MSRB3: variants seen among roughly 807,000 people sequenced by gnomAD.
MSRB3 encodes the protein methionine sulfoxide reductase B3.
Under a neutral mutation model 21.0 loss-of-function variants are expected in MSRB3, and 13 were observed. The observed-to-expected ratio is 0.62, with a 90% CI of 0.40 to 0.98. MSRB3 has a LOEUF of 0.98. MSRB3 is among the 50% of genes least tolerant of loss of function. MSRB3 has a pLI of 0.00. For missense variants in MSRB3, 199 were observed against 230.3 expected, an observed-to-expected ratio of 0.86 and a Z score of 0.88; for synonymous variants, 87 against 88.6, an observed-to-expected ratio of 0.98 and a Z score of 0.10.
chr12:65,416,006 G>A (rs1880953805), intron 5 of MSRB3, among the ~76,000 whole-genome samples: 1 of 152,150 alleles, frequency 6.6e-6, no homozygotes, highest in African/African-American at 2.4e-5. Context: ...TGTGTGCTTG[G>A]GTAAGGTGGG....
intron 4 of MSRB3, among the ~76,000 whole-genome samples, chr12:65,334,420 A>G (rs577922924): frequency 2.8e-4 from 43 of 152,356 alleles, no homozygotes; most frequent in African/African-American, 9.6e-4. Context: ...AAACATTTAA[A>G]AAAGAAGAAA....
intron 4 of MSRB3, among the ~76,000 whole-genome samples, chr12:65,349,262 T>C (rs1198024205): frequency 1.3e-5 from 2 of 152,122 alleles, no homozygotes; most frequent in Admixed American, 6.6e-5. Flanking sequence ...GGCTGCATAG[T>C]ATTCCATGGT....
chr12:65,313,989 A>G (rs1250964523), intron 2 of MSRB3, among the ~76,000 whole-genome samples: 1 of 152,216 alleles, frequency 6.6e-6, no homozygotes, highest in African/African-American at 2.4e-5. Context: ...AAACAAAAGT[A>G]TATAAGGAAT....
At chr12:65,419,492 A>T (rs1341452569) in intron 5 of MSRB3, 2 of 741,106 alleles carry the variant, frequency 2.7e-6, no homozygotes, top group African/African-American at 1.7e-5. Flanking sequence ...CTCTCCACAG[A>T]CTGGCGCATG....
At chr12:65,353,659 T>C (rs1877189315) in intron 4 of MSRB3, among the ~76,000 whole-genome samples, 1 of 152,174 alleles carries the variant, frequency 6.6e-6, no homozygotes, top group African/African-American at 2.4e-5. Flanking sequence ...AGCACCCTGA[T>C]GGGTCTTGAC....
intron 4 of MSRB3, among the ~76,000 whole-genome samples, chr12:65,354,240 T>C (rs1877238528): frequency 1.3e-5 from 2 of 151,964 alleles, no homozygotes; most frequent in African/African-American, 4.8e-5. Context: ...CTTTGTGGCA[T>C]TCTCTGTATT....
chr12:65,443,501 C>T (rs1882477547), intron 5 of MSRB3, among the ~76,000 whole-genome samples: 1 of 151,914 alleles, frequency 6.6e-6, no homozygotes, highest in Non-Finnish European at 1.5e-5. Flanking sequence ...TCCACTTGAC[C>T]CAGTGATAGC....
intron 5 of MSRB3, among the ~76,000 whole-genome samples, chr12:65,380,989 C>T (rs149279161): frequency 1.3e-5 from 2 of 152,136 alleles, no homozygotes; most frequent in African/African-American, 2.4e-5. Flanking sequence ...CAGAAATTTT[C>T]TCCCCCTCCA....
intron 5 of MSRB3, among the ~76,000 whole-genome samples, chr12:65,451,698 T>G (rs760988020): frequency 6.6e-6 from 1 of 152,184 alleles, no homozygotes; most frequent in Non-Finnish European, 1.5e-5. Context: ...TCACAGTGAT[T>G]GAGCCACGTT....
intron 4 of MSRB3, among the ~76,000 whole-genome samples, chr12:65,350,979 A>T (rs1348154919): frequency 6.7e-6 from 1 of 149,528 alleles, no homozygotes; most frequent in East Asian, 1.9e-4. Flanking sequence ...ACATCTACAG[A>T]ACTCTCCACC....
chr12:65,459,090 A>G (rs1883210585), intron 6 of MSRB3, among the ~76,000 whole-genome samples: 1 of 148,870 alleles, frequency 6.7e-6, no homozygotes, highest in Non-Finnish European at 1.5e-5. Flanking sequence ...TGGGAGACTA[A>G]TAAATCACTT....
intron 1 of MSRB3, among the ~76,000 whole-genome samples, chr12:65,296,040 AGTTT>A (rs1872942652): frequency 1.3e-5 from 2 of 152,338 alleles, no homozygotes; most frequent in South Asian, 4.1e-4. Flanking sequence ...GTTGACCAGC[AGTTT>A]GTTTTGTCAA....
intron 2 of MSRB3, among the ~76,000 whole-genome samples, chr12:65,312,392 A>G (rs1874040707): frequency 6.6e-6 from 1 of 152,032 alleles, no homozygotes; most frequent in Admixed American, 6.6e-5. Flanking sequence ...CTGAGGAGGA[A>G]TCAGGAAGCC....
Position 65,466,280 on chromosome 12 carries a change from A to G in MSRB3, c.*2958A>G, listed in dbSNP as rs1057448419. On this transcript the variant is annotated 3_prime_UTR_variant, in exon 7 of 7. Coordinates refer to ENST00000308259, the MANE Select transcript of MSRB3 (RefSeq NM_001031679.3). The stretch of plus-strand genomic sequence containing the variant: ...CAGATTGCTTTTGGGTTTAAGTGGT[A>G]TCAAATTTCAGTATATTTCTGTCTT... 6.6e-6 allele frequency: 1 copy of G among 152,318 alleles called. No individual in the cohort carries two copies. Among genetic ancestry groups the G allele is most frequent in the South Asian group, 2.1e-4 (1 of 4,826 alleles). 9.4% of individuals were successfully genotyped at this position (152,318 alleles called of 1,614,324 possible).
At chr12:65,447,081 C>A (rs187577342) in intron 5 of MSRB3, among the ~76,000 whole-genome samples, 27 of 152,162 alleles carry the variant, frequency 1.8e-4, no homozygotes, top group Admixed American at 4.6e-4. Flanking sequence ...AACCATTCCC[C>A]ATTGAGGTAT....
At chr12:65,421,425 C>T (rs1336516153) in intron 5 of MSRB3, among the ~76,000 whole-genome samples, 2 of 152,102 alleles carry the variant, frequency 1.3e-5, no homozygotes, top group African/African-American at 4.8e-5. Flanking sequence ...TCTGTTTACT[C>T]TGTTGATAGT....
intron 5 of MSRB3, among the ~76,000 whole-genome samples, chr12:65,386,443 T>A (rs563977918): frequency 6.6e-6 from 1 of 152,072 alleles, no homozygotes; most frequent in South Asian, 2.1e-4. Context: ...AATGATAAAC[T>A]TTTTTATAGG....
rs1592662633 is a variant in MSRB3 at position 65,465,189 on chromosome 12, C to T, written c.*1867C>T. 2 of 152,266 alleles carry T rather than the reference C, an allele frequency of 1.3e-5. No homozygotes were observed. Among genetic ancestry groups the T allele is most frequent in the Middle Eastern group, 6.8e-3 (2 of 294 alleles). The allele number at this position is 152,266 out of a possible 1,614,324, so 9.4% of individuals were successfully genotyped here. A position where few individuals can be genotyped will look rare whatever the true frequency, so the allele number is the denominator to read the frequency against. ...TACTTTGAGAAGCTCTGCTCAGCTG[C>T]TTTATAACATTAAGTCTGGCGGAAT... On this transcript the variant is annotated 3_prime_UTR_variant, in exon 7 of 7. Coordinates refer to ENST00000308259, the MANE Select transcript of MSRB3 (RefSeq NM_001031679.3).
Position 65,370,724 on chromosome 12 carries a change from A to G in MSRB3, c.292+1698A>G, listed in dbSNP as rs1157199152. ...TTTCACTCTTGTGACCAAAGATTTT[A>G]TGCATGACTTATTTTTTTTCAAGTT... On this transcript the variant is annotated intron_variant, in intron 5 of 6. Coordinates refer to ENST00000308259, the MANE Select transcript of MSRB3 (RefSeq NM_001031679.3). Among the ~76,000 whole-genome samples the G allele has an allele frequency of 5.3e-5, 8 of 152,184 alleles. No individual in the cohort carries two copies. The East Asian group carries it at 1.5e-3, about 29-fold the overall frequency.
Sources: allele counts gnomAD v4.1 joint callset (sites outside exome capture counted in the v4.1 genomes callset), GRCh38; gene constraint gnomAD v4.1.1; transcripts MANE v1.5; gene names NCBI Gene and HGNC (gene_info 2026-07-23, HGNC 2026-07-21).